The following SLC45A4 variants were observed in gnomAD, a reference collection of about 807,000 sequenced individuals.
SLC45A4 encodes polyamine-transporter SLC45A4.
Under a neutral mutation model 63.7 loss-of-function variants are expected in SLC45A4, and 32 were observed. That is an observed-to-expected ratio of 0.50 (90% CI 0.38 to 0.67). The LOEUF is 0.67. Among genes scored for constraint, SLC45A4 ranks in the 30% least tolerant of loss-of-function variants. The pLI is 0.00. For synonymous variants in SLC45A4, 535 were observed against 510.0 expected (o/e 1.05, Z -0.66); for missense variants, 1,027 against 1,157.7 (o/e 0.89, Z 1.64).
intron 1 of SLC45A4, among the ~76,000 whole-genome samples, chr8:141,290,619 C>A (rs1304201491): frequency 6.6e-6 from 1 of 152,218 alleles, no homozygotes; most frequent in Non-Finnish European, 1.5e-5. Flanking sequence ...TGAGGACAGC[C>A]ACCCTTGGGA....
At chr8:141,221,409 T>G (rs548905674) in intron 3 of SLC45A4, among the ~76,000 whole-genome samples, 168 bp downstream of exon 3, 1 of 152,358 alleles carries the variant, frequency 6.6e-6, no homozygotes, top group East Asian at 1.9e-4. Flanking sequence ...GGGGCCAGCT[T>G]CGGCGCTGCC....
chr8:141,231,566 C>T (rs953459451), intron 2 of SLC45A4, among the ~76,000 whole-genome samples: 4 of 152,210 alleles, frequency 2.6e-5, no homozygotes, highest in Non-Finnish European at 5.9e-5. Flanking sequence ...AGCAGGTGGG[C>T]GGACGGCTGG....
Position 141,273,052 on chromosome 8 carries a change from C to T in SLC45A4, c.-400-18423G>A, listed in dbSNP as rs1168830273. On this transcript the variant is annotated intron_variant, in intron 1 of 8. Transcript: ENST00000517878. ...CAGGAAGAAGATGCAGTGTCCGACA[C>T]GTAGCAAACACGCGAGAAGAGCTCA... Among the ~76,000 whole-genome samples the T allele has an allele frequency of 2.6e-5, 4 of 152,208 alleles. No homozygotes were observed. The East Asian group carries it at 5.8e-4, about 22-fold the overall frequency.
intron 1 of SLC45A4, among the ~76,000 whole-genome samples, chr8:141,265,908 C>T (rs1015088372): frequency 6.6e-6 from 1 of 152,210 alleles, no homozygotes; most frequent in South Asian, 2.1e-4. Flanking sequence ...CTCAGACAAG[C>T]GAAACTACAA....
chr8:141,294,650 G>A (rs906903257), intron 1 of SLC45A4, among the ~76,000 whole-genome samples: 3 of 152,242 alleles, frequency 2.0e-5, no homozygotes, highest in Admixed American at 6.5e-5. Context: ...GGCAACCCAC[G>A]TCCCGGGGAA....
chr8:141,247,509 C>T (rs1473893512), intron 2 of SLC45A4, among the ~76,000 whole-genome samples: 1 of 152,254 alleles, frequency 6.6e-6, no homozygotes, highest in Non-Finnish European at 1.5e-5. Flanking sequence ...ATCCAGCAGG[C>T]TTTTTGTAGA....
chr8:141,286,290 G>C (rs1830143030), intron 1 of SLC45A4, among the ~76,000 whole-genome samples: 1 of 152,142 alleles, frequency 6.6e-6, no homozygotes, highest in Non-Finnish European at 1.5e-5. Flanking sequence ...GTGGTTTACT[G>C]CATGTTCAGA....
chr8:141,302,347 C>T (rs1048746706), intron 1 of SLC45A4, among the ~76,000 whole-genome samples: 2 of 151,638 alleles, frequency 1.3e-5, no homozygotes, highest in South Asian at 2.1e-4. Flanking sequence ...GCAACCTCCA[C>T]GCCACTCACC....
rs1327650005 is a variant in SLC45A4, at chr8:141,209,599, A to C, written c.*1973T>G. ...ACTAAGAAGGGCTTTGCTTGCAAAC[A>C]CCTGAAGTGCTGACAGCTTGACGAG... On this transcript the variant is annotated 3_prime_UTR_variant, in exon 9 of 9. Transcript: ENST00000517878. 2 of 152,290 alleles carry C rather than the reference A, an allele frequency of 1.3e-5. No individual in the cohort carries two copies. Among genetic ancestry groups the C allele is most frequent in the Non-Finnish European group, 2.9e-5 (2 of 68,100 alleles). The allele number at this position is 152,290 out of a possible 1,614,324, so 9.4% of individuals were successfully genotyped here.
chr8:141,281,776 T>C (rs1168898030), intron 1 of SLC45A4, among the ~76,000 whole-genome samples: 1 of 152,240 alleles, frequency 6.6e-6, no homozygotes, highest in Non-Finnish European at 1.5e-5. Flanking sequence ...ATAATGATGA[T>C]ATCATTGGTT....
rs559674374 is a variant in SLC45A4 at position 141,247,658 on chromosome 8, C to T, written c.241+6331G>A. Among the ~76,000 whole-genome samples, 12 of 152,256 alleles carry T rather than the reference C, an allele frequency of 7.9e-5. No individual in the cohort carries two copies. In the South Asian group the frequency reaches 1.0e-3, roughly 13 times the overall value. On this transcript the variant is annotated intron_variant, in intron 2 of 8. Transcript: ENST00000517878. Reference sequence around the variant, plus strand: ...AACGCCTGAGTTCAAGCAATCTTCCCGCCTTGGCTTCCCAAAGTGCTGGGA... The same window carrying T: ...AACGCCTGAGTTCAAGCAATCTTCCTGCCTTGGCTTCCCAAAGTGCTGGGA...
At chr8:141,212,686 C>T (rs955075026) in intron 7 of SLC45A4, 130 bp from the exon 8 acceptor site, 62 of 1,145,108 alleles carry the variant, frequency 5.4e-5, no homozygotes, top group Non-Finnish European at 7.1e-5. Context: ...TTGGCAACCA[C>T]TCCTGCCTGA....
At chr8:141,251,040 A>C (rs1569558740) in intron 2 of SLC45A4, among the ~76,000 whole-genome samples, 2 of 152,200 alleles carry the variant, frequency 1.3e-5, no homozygotes, top group African/African-American at 2.4e-5. Flanking sequence ...ATGACTCTTT[A>C]TCACATCAAC....
At chr8:141,251,450 T>A (rs1284028454) in intron 2 of SLC45A4, among the ~76,000 whole-genome samples, 1 of 151,838 alleles carries the variant, frequency 6.6e-6, no homozygotes, top group Non-Finnish European at 1.5e-5. Context: ...GCGCCCCCCC[T>A]GCCACAGAGC....
chr8:141,208,901 C>T lies in SLC45A4; in HGVS notation c.*2671G>A, dbSNP rs1163161815. ...ACAAAACCACCACAAATGAGACCAA[C>T]ATTATCCTAGTTTGGTAACTGGTCT... On this transcript the variant is annotated 3_prime_UTR_variant, in exon 9 of 9. Transcript: ENST00000517878. 6.6e-6 allele frequency: 1 copy of T among 152,372 alleles called. No homozygotes were observed. Among genetic ancestry groups the T allele is most frequent in the Non-Finnish European group, 1.5e-5 (1 of 68,136 alleles). 9.4% of individuals were successfully genotyped at this position (152,372 alleles called of 1,614,324 possible). A position where few individuals can be genotyped will look rare whatever the true frequency, so the allele number is the denominator to read the frequency against.
chr8:141,266,190 C>A (rs151201857), intron 1 of SLC45A4, among the ~76,000 whole-genome samples: 1,716 of 152,318 alleles, frequency 0.011, 31 homozygotes, highest in African/African-American at 0.039. Flanking sequence ...GGACAACACG[C>A]GTCCGCACGG....
At chr8:141,248,304 T>C (rs1301762701) in intron 2 of SLC45A4, among the ~76,000 whole-genome samples, 2 of 152,354 alleles carry the variant, frequency 1.3e-5, no homozygotes, top group East Asian at 3.9e-4. Context: ...GCACAGTGGC[T>C]CACGCCTATA....
rs200395774 is a variant in SLC45A4, at chr8:141,215,851, C to T, written c.1849G>A (p.Ala617Thr). 113 of 1,613,984 alleles carry T rather than the reference C, an allele frequency of 7.0e-5. No homozygotes were observed. The highest frequency in any genetic ancestry group is 4.9e-4 in the Middle Eastern group (3 of 6,084). ...CCCATGGTGCTGATGGTGACCATGG[C>T]GACGTAGACGTTGGGAAACATGGCC... ...VMAMFPNVYV[A>T]MVTISTMGIV... The change falls in exon 7 of 9, where the codon GCC (alanine) becomes ACC (threonine). Residue 617 changes from alanine (A) to threonine (T), a missense_variant. Ala to Thr is a moderately conservative substitution (Grantham distance 58). Transcript: ENST00000517878. The surrounding 1 kb of genome is among the most constrained non-coding windows in gnomAD (Gnocchi z 4.3).
At position 141,256,718 on chromosome 8, in the gene SLC45A4, C is replaced by T. The variant is rs112658240; in HGVS notation, c.-400-2089G>A. ...TTTGCTTCTTACGTCCCCTGAACGT[C>T]GCTACGATTCCACACGACAGCCCTC... On this transcript the variant is annotated intron_variant, in intron 1 of 8. Transcript: ENST00000517878. The surrounding 1 kb of genome is among the most constrained non-coding windows in gnomAD (Gnocchi z 4.3). 25 of 435,388 alleles carry T rather than the reference C, an allele frequency of 5.7e-5. 1 individual carries two copies. The highest frequency in any genetic ancestry group is 2.4e-4 in the African/African-American group (12 of 49,734). 27.0% of individuals were successfully genotyped at this position (435,388 alleles called of 1,614,324 possible). A position where few individuals can be genotyped will look rare whatever the true frequency, so the allele number is the denominator to read the frequency against.
Sources: allele counts gnomAD v4.1 joint callset (sites outside exome capture counted in the v4.1 genomes callset), GRCh38; gene constraint gnomAD v4.1.1; non-coding constraint Gnocchi (gnomAD v3.1); transcripts MANE v1.5; gene names NCBI Gene and HGNC (gene_info 2026-07-23, HGNC 2026-07-21).